The following GPHN variants were observed in gnomAD, a reference collection of about 807,000 sequenced individuals.
The protein encoded by GPHN is gephyrin.
In GPHN, 17 loss-of-function variants were observed where a neutral mutation model predicts 95.5. The ratio of observed to expected loss-of-function variants is 0.18; its 90% CI spans 0.12 to 0.27. The LOEUF is 0.27. GPHN is among the 10% of genes least tolerant of loss of function. The probability of loss-of-function intolerance (pLI) is 1.00; values close to 1 mark genes in which losing one functional copy is unlikely to be tolerated. For missense variants in GPHN, 660 were observed against 978.1 expected (o/e 0.67, Z 4.34); for synonymous variants, 320 against 322.5 (o/e 0.99, Z 0.08).
intron 4 of GPHN, among the ~76,000 whole-genome samples, chr14:66,837,852 A>G (rs192075217): frequency 3.3e-5 from 5 of 152,100 alleles, no homozygotes; most frequent in Non-Finnish European, 7.4e-5. Context: ...TACCTACTCT[A>G]TGTCAGAATA....
the GPHN span, among the ~76,000 whole-genome samples, chr14:67,621,866 G>A: frequency 6.6e-6 from 1 of 151,572 alleles, no homozygotes; most frequent in Admixed American, 6.6e-5. Context: ...GGAGGCCAAG[G>A]TGGGTGGATC....
the GPHN span, chr14:67,593,691 G>T: frequency 2.9e-6 from 3 of 1,043,568 alleles, no homozygotes; most frequent in Non-Finnish European, 3.0e-6. Context: ...CATCCCATGG[G>T]CTGGCTACCT....
chr14:66,781,672 T>C (rs985746178), intron 3 of GPHN, among the ~76,000 whole-genome samples: 1 of 152,230 alleles, frequency 6.6e-6, no homozygotes, highest in Non-Finnish European at 1.5e-5. Flanking sequence ...CTTGCTTTTT[T>C]ATCAACCGTT....
the GPHN span, among the ~76,000 whole-genome samples, chr14:67,354,518 G>A: frequency 2.0e-5 from 3 of 152,026 alleles, no homozygotes; most frequent in Non-Finnish European, 2.9e-5. Context: ...TTAAAAGATG[G>A]GTACTCCAGC....
At chr14:66,764,808 G>A (rs920334022) in intron 2 of GPHN, among the ~76,000 whole-genome samples, 10 of 151,932 alleles carry the variant, frequency 6.6e-5, no homozygotes, top group Non-Finnish European at 8.8e-5. Flanking sequence ...TATTGTACAT[G>A]ATTAGTATTC....
chr14:66,944,841 T>C (rs2067648646), intron 8 of GPHN, among the ~76,000 whole-genome samples: 1 of 152,210 alleles, frequency 6.6e-6, no homozygotes. Flanking sequence ...GCAGAGAGCA[T>C]TGGCCAGCCT....
chr14:67,397,390 C>T, the GPHN span, among the ~76,000 whole-genome samples: 1 of 152,240 alleles, frequency 6.6e-6, no homozygotes, highest in Non-Finnish European at 1.5e-5. Context: ...TGCTCTAATA[C>T]ACCGTGACCT....
At chr14:67,565,646 C>T in the GPHN span, among the ~76,000 whole-genome samples, 3 of 152,162 alleles carry the variant, frequency 2.0e-5, no homozygotes, top group African/African-American at 4.8e-5. Context: ...GGCAGACATC[C>T]CCTCCACAGA....
At chr14:67,493,270 T>C in the GPHN span, among the ~76,000 whole-genome samples, 1 of 152,178 alleles carries the variant, frequency 6.6e-6, no homozygotes, top group East Asian at 1.9e-4. Flanking sequence ...CCTATCTCTG[T>C]TGCACCCAAA....
At chr14:66,799,324 T>G (rs2060265261) in intron 3 of GPHN, among the ~76,000 whole-genome samples, 1 of 152,006 alleles carries the variant, frequency 6.6e-6, no homozygotes, top group African/African-American at 2.4e-5. Context: ...AAATATCTAT[T>G]AGATCTATTT....
chr14:67,732,237 T>C, the GPHN span, among the ~76,000 whole-genome samples: 5 of 150,808 alleles, frequency 3.3e-5, no homozygotes, highest in Admixed American at 1.3e-4. Flanking sequence ...GGGAATTCCA[T>C]ACCAGCCTGG....
the GPHN span, among the ~76,000 whole-genome samples, chr14:67,600,441 TA>T: frequency 6.6e-6 from 1 of 152,146 alleles, no homozygotes; most frequent in Non-Finnish European, 1.5e-5. Flanking sequence ...GTGGAAAGAT[TA>T]AAATCGTTTT....
the GPHN span, chr14:67,650,613 T>C: frequency 9.4e-7 from 1 of 1,059,078 alleles, no homozygotes; most frequent in Non-Finnish European, 1.4e-6. Flanking sequence ...TAAAATGGAC[T>C]CTTGTTTTTA....
At chr14:66,790,447 A>T (rs1009689928) in intron 3 of GPHN, among the ~76,000 whole-genome samples, 3 of 152,226 alleles carry the variant, frequency 2.0e-5, no homozygotes, top group Non-Finnish European at 4.4e-5. Flanking sequence ...TCCCAGAAAA[A>T]GCCTAGAGCA....
At chr14:66,894,698 G>A (rs1485583622) in intron 5 of GPHN, among the ~76,000 whole-genome samples, 1 of 151,902 alleles carries the variant, frequency 6.6e-6, no homozygotes, top group African/African-American at 2.4e-5. Flanking sequence ...GTGGGCGAAG[G>A]ATATGAACAG....
the GPHN span, among the ~76,000 whole-genome samples, chr14:67,358,061 CT>C: frequency 6.6e-6 from 1 of 151,762 alleles, no homozygotes; most frequent in African/African-American, 2.4e-5. Context: ...AATTCTCCCC[CT>C]AGCTTTGAGC....
At chr14:67,300,419 C>T in the GPHN span, among the ~76,000 whole-genome samples, 2 of 151,338 alleles carry the variant, frequency 1.3e-5, no homozygotes, top group African/African-American at 2.4e-5. Context: ...CCTCTACCTC[C>T]TGGGTTCAAG....
chr14:66,897,905 T>C (rs1189225484), intron 5 of GPHN, among the ~76,000 whole-genome samples: 3 of 152,118 alleles, frequency 2.0e-5, no homozygotes, highest in Admixed American at 6.6e-5. Context: ...TATGAGTGTG[T>C]CTCCACACCT....
the GPHN span, among the ~76,000 whole-genome samples, chr14:67,331,750 A>T: frequency 3.9e-5 from 6 of 151,922 alleles, no homozygotes; most frequent in African/African-American, 1.5e-4. Context: ...TTTCATTTCA[A>T]CTCCAATACC....
Sources: allele counts gnomAD v4.1 joint callset (sites outside exome capture counted in the v4.1 genomes callset), GRCh38; gene constraint gnomAD v4.1.1; transcripts MANE v1.5; gene names NCBI Gene and HGNC (gene_info 2026-07-23, HGNC 2026-07-21).